SMG1: variants seen among roughly 807,000 people sequenced by gnomAD.
The protein encoded by SMG1 is SMG1 nonsense mediated mRNA decay associated PI3K related kinase.
SMG1 carries 22 observed loss-of-function variants against 419.9 expected under a neutral mutation model. That is an observed-to-expected ratio of 0.05 (90% CI 0.04 to 0.07). SMG1 has a LOEUF of 0.07. Among genes scored for constraint, SMG1 ranks in the 10% least tolerant of loss-of-function variants. The probability of loss-of-function intolerance (pLI) is 1.00; values close to 1 mark genes in which losing one functional copy is unlikely to be tolerated. For synonymous variants in SMG1, 1,538 were observed against 1,553.5 expected (o/e 0.99, Z 0.23); for missense variants, 3,185 against 4,342.0 (o/e 0.73, Z 7.49).
intron 29 of SMG1, 25 bp downstream of exon 29, chr16:18,858,145 C>A: frequency 6.6e-7 from 1 of 1,525,834 alleles, no homozygotes; most frequent in East Asian, 2.5e-5. Flanking sequence ...TTAATTTTCT[C>A]TTACAAGAAA....
chr16:18,841,942 G>C (rs1052425309), intron 40 of SMG1, 148 bp from the exon 41 acceptor site: 1 of 750,964 alleles, frequency 1.3e-6, no homozygotes, highest in Non-Finnish European at 2.2e-6. Flanking sequence ...TTTGGGACAA[G>C]ATATTGGCAG....
intron 48 of SMG1, 115 bp downstream of exon 48, chr16:18,835,818 G>C: frequency 1.0e-6 from 1 of 962,348 alleles, no homozygotes; most frequent in East Asian, 2.6e-5. Context: ...GGAATTGCTT[G>C]AACCTCAGAG....
In SMG1 at chr16:18,816,312, G is replaced by A; in HGVS notation, c.10292C>T (p.Ala3431Val). The A allele has an allele frequency of 6.2e-7, 1 of 1,613,376 alleles. No individual in the cohort carries two copies. The highest frequency in any genetic ancestry group is 1.1e-5 in the South Asian group (1 of 91,040). The change falls in exon 58 of 63, where the codon GCT becomes GTT. Residue 3431 changes from alanine to valine, a missense_variant. By Grantham distance (64) the Ala-to-Val change is moderately conservative. Around this residue, in one of 27 missense-constraint regions of SMG1, gnomAD observed 737 missense variants for 846.6 expected, o/e 0.87. Transcript: ENST00000446231. ...QLGDVKHLLK[A>V]MAKDEEAALA... ...TGGTATTAGTCTTACCTTAGCCATA[G>A]CTTTCAAGAGATGTTTGACATCTCC...
At chr16:18,885,736 T>C (rs1294743864) in intron 6 of SMG1, 70 bp from the exon 7 acceptor site, 13 of 1,425,414 alleles carry the variant, frequency 9.1e-6, no homozygotes, top group Admixed American at 1.7e-5. Context: ...ATTAGGTTCA[T>C]TATTTACTGA....
intron 42 of SMG1, among the ~76,000 whole-genome samples, chr16:18,839,309 C>T (rs1185355206): frequency 6.6e-6 from 1 of 152,038 alleles, no homozygotes; most frequent in Admixed American, 6.6e-5. Context: ...AACATAGTAT[C>T]CAACAGGTAT....
intron 1 of SMG1, among the ~76,000 whole-genome samples, chr16:18,909,587 T>C (rs1372867148): frequency 6.6e-6 from 1 of 151,914 alleles, no homozygotes; most frequent in Non-Finnish European, 1.5e-5. Context: ...TAAAAGAAAA[T>C]GAAATAAAAA....
intron 1 of SMG1, chr16:18,925,172 T>G (rs1322640533): frequency 6.6e-6 from 1 of 152,202 alleles, no homozygotes; most frequent in African/African-American, 2.4e-5. Context: ...GGAAACTACA[T>G]TTATTTAAAA....
intron 55 of SMG1, among the ~76,000 whole-genome samples, chr16:18,821,221 C>CTTTTTTTTTTTTTTTTTTTCTTTTTTTTT (rs2032515375): frequency 2.8e-5 from 1 of 35,600 alleles, no homozygotes; most frequent in African/African-American, 1.2e-4. Flanking sequence ...TAGTATGTTT[C>CTTTTTTTTTTTTTTTTTTTCTTTTTTTTT]TTTTTTTTTT....
chr16:18,869,028 T>G, intron 20 of SMG1, 76 bp downstream of exon 20: 1 of 1,321,300 alleles, frequency 7.6e-7, no homozygotes, highest in Admixed American at 1.9e-5. Flanking sequence ...CTCAAATCTT[T>G]AACAAAGATT....
At chr16:18,819,718 ATTT>A (rs2032344515) in intron 55 of SMG1, 64 bp from the exon 56 acceptor site, 1 of 1,416,784 alleles carries the variant, frequency 7.1e-7, no homozygotes, top group East Asian at 2.5e-5. Flanking sequence ...TTTGTGGAGT[ATTT>A]TATATAACAC....
At position 18,868,674 on chromosome 16, in the gene SMG1, T is replaced by C; in HGVS notation, c.2879A>G (p.Asp960Gly). 2 of 1,530,152 alleles carry C rather than the reference T, an allele frequency of 1.3e-6. No homozygotes were observed. Among genetic ancestry groups the C allele is most frequent in the South Asian group, 1.1e-5 (1 of 89,268 alleles). The allele number at this position is 1,530,152 out of a possible 1,614,324, so 94.8% of individuals were successfully genotyped here. A position where few individuals can be genotyped will look rare whatever the true frequency, so the allele number is the denominator to read the frequency against. ...LAAHTLNPDQ[D>G]VSQWTTADND... ...GTCTGCAGTTGTCCACTGACTAACA[T>C]CCTGATCAGGGTTTAATGTGTGAGC... is the stretch of plus-strand genomic sequence containing the variant. Residue 960 changes from aspartate to glycine, a missense_variant, in exon 21 of 63, where the codon GAT becomes GGT. Around this residue, in one of 27 missense-constraint regions of SMG1, gnomAD observed 70 missense variants for 185.7 expected, o/e 0.38. Transcript: ENST00000446231.
intron 37 of SMG1, 49 bp downstream of exon 37, chr16:18,847,767 T>A (rs2034350902): frequency 1.3e-6 from 2 of 1,595,124 alleles, no homozygotes; most frequent in East Asian, 2.2e-5. Context: ...AAAAGCAATT[T>A]TTATTATTCT....
Position 18,885,654 on chromosome 16 carries a change from T to C in SMG1, c.835A>G (p.Ser279Gly), listed in dbSNP as rs773138159. Reference sequence around the variant, plus strand: ...ACATTTTCAAGAATAGACTGCAGGCTGGTCATTACAAGCTTAAAAATAAAA... The same window carrying C: ...ACATTTTCAAGAATAGACTGCAGGCCGGTCATTACAAGCTTAAAAATAAAA... ...FSSVMQLVMT[S>G]LQSILENVDT... Residue 279 changes from serine (S) to glycine (G), a missense_variant, in exon 7 of 63, where the codon AGC (serine) becomes GGC (glycine). This residue lies in a region of SMG1 where 53 missense variants were observed against 56.3 expected (regional missense o/e 0.94). Transcript: ENST00000446231. 6.3e-7 allele frequency: 1 copy of C among 1,596,152 alleles called. No homozygotes were observed. Among genetic ancestry groups the C allele is most frequent in the Non-Finnish European group, 8.5e-7 (1 of 1,179,576 alleles).
rs750467101 is a variant in SMG1, at chr16:18,811,931, T to C, written c.10801+17A>G. 1 of 1,613,098 alleles carries C rather than the reference T, an allele frequency of 6.2e-7. No homozygotes were observed. The highest frequency in any genetic ancestry group is 8.5e-7 in the Non-Finnish European group (1 of 1,179,602). On this transcript the variant is annotated intron_variant, in intron 61 of 62. Coordinates refer to ENST00000446231, the MANE Select transcript of SMG1 (RefSeq NM_015092.5). ...TTTTATATAAAAATTTAAGGCATCT[T>C]TATTCTAACTAATTACCTTTCCCAG...
Position 18,842,240 on chromosome 16 carries a change from G to A in SMG1, c.6434C>T (p.Ser2145Leu), listed in dbSNP as rs2033967286. 1 of 1,613,754 alleles carries A rather than the reference G, an allele frequency of 6.2e-7. No homozygotes were observed. The highest frequency in any genetic ancestry group is 8.5e-7 in the Non-Finnish European group (1 of 1,179,824). The change falls in exon 40 of 63, where the codon TCA becomes TTA. Residue 2145 changes from serine to leucine, a missense_variant. This residue lies in a region of SMG1 where 159 missense variants were observed against 196.0 expected (regional missense o/e 0.81). Coordinates refer to ENST00000446231, the MANE Select transcript of SMG1 (RefSeq NM_015092.5). ...TKPKKLLFLG[S>L]DGKSYPYLFK... ...AAGATAAGGATAGCTCTTCCCATCT[G>A]ATCCAAGAAAGAGAAGTTTCTTTGG...
Position 18,926,012 on chromosome 16 carries a change from C to T in SMG1, c.30G>A (p.Leu10=). The change falls in exon 1 of 63, where the codon CTG becomes CTA. Residue 10 remains leucine, a synonymous_variant. Transcript: ENST00000446231. MSRRAPGSR[L]SSGGGGGGTK... Reference sequence around the variant, plus strand: ...TGCCGCCGCCGCCGCCGCCGCTGCTCAGCCGAGACCCCGGGGCTCTGCGGC... The same window carrying T: ...TGCCGCCGCCGCCGCCGCCGCTGCTTAGCCGAGACCCCGGGGCTCTGCGGC... The T allele has an allele frequency of 6.3e-7, 1 of 1,580,766 alleles. No individual in the cohort carries two copies. Among genetic ancestry groups the T allele is most frequent in the Non-Finnish European group, 8.5e-7 (1 of 1,170,612 alleles).
At chr16:18,817,549 A>G in intron 56 of SMG1, 79 bp from the exon 57 acceptor site, 1 of 1,148,334 alleles carries the variant, frequency 8.7e-7, no homozygotes. Flanking sequence ...AACATGAAAA[A>G]ATACTACTTC....
intron 1 of SMG1, among the ~76,000 whole-genome samples, chr16:18,914,837 A>G (rs531989926): frequency 6.4e-4 from 98 of 152,262 alleles, no homozygotes; most frequent in African/African-American, 2.2e-3. Flanking sequence ...AATAATGTAG[A>G]CAGATACAAT....
At chr16:18,831,976 T>C (rs2033215051) in intron 51 of SMG1, among the ~76,000 whole-genome samples, 2 of 152,044 alleles carry the variant, frequency 1.3e-5, no homozygotes, top group African/African-American at 4.8e-5. Flanking sequence ...TACATATATA[T>C]GTATACTTTC....
Sources: allele counts gnomAD v4.1 joint callset (sites outside exome capture counted in the v4.1 genomes callset), GRCh38; gene constraint gnomAD v4.1.1; regional missense constraint gnomAD v4.1.1; transcripts MANE v1.5; gene names NCBI Gene and HGNC (gene_info 2026-07-23, HGNC 2026-07-21).